The following MYH14 variants were observed in gnomAD, a reference collection of about 807,000 sequenced individuals.
MYH14 encodes myosin-14.
Under a neutral mutation model 255.5 loss-of-function variants are expected in MYH14, and 123 were observed. The observed-to-expected ratio is 0.48, with a 90% CI of 0.42 to 0.56. The LOEUF is 0.56. Among genes scored for constraint, MYH14 ranks in the 20% least tolerant of loss-of-function variants. The pLI is 0.00. For missense variants in MYH14, 2,423 were observed against 2,802.3 expected, an observed-to-expected ratio of 0.86 and a Z score of 3.06; for synonymous variants, 1,095 against 1,161.2, an observed-to-expected ratio of 0.94 and a Z score of 1.16.
chr19:50,228,145 G>T (rs1349431391), intron 8 of MYH14, among the ~76,000 whole-genome samples: 7 of 151,980 alleles, frequency 4.6e-5, no homozygotes. Flanking sequence ...AATTAGCCGG[G>T]CGTGGTGGCG....
In MYH14 at chr19:50,278,285, C is replaced by T. The variant is rs374058410; in HGVS notation, c.4028C>T (p.Ala1343Val). ...RAEAAEKLQR[A>V]QAELENVSGA... ...GAGGCTGCTGAGAAGCTGCAGCGAG[C>T]CCAGGTAAGTGGGGTGGGCAGGGCA... Residue 1343 changes from alanine (A) to valine (V), a missense_variant, in exon 30 of 43, where the codon GCC (alanine) becomes GTC (valine). Ala to Val is a moderately conservative substitution (Grantham distance 64, BLOSUM62 0). Coordinates refer to ENST00000642316, the MANE Select transcript of MYH14 (RefSeq NM_001145809.2). The T allele has an allele frequency of 8.0e-5, 123 of 1,545,328 alleles. 1 individual carries two copies. The African/African-American group carries it at 8.0e-4, about 10-fold the overall frequency.
At chr19:50,226,769 C>A in intron 7 of MYH14, 134 bp from the exon 8 acceptor site, 1 of 787,510 alleles carries the variant, frequency 1.3e-6, no homozygotes, top group Non-Finnish European at 2.1e-6. Flanking sequence ...GGATGGGGTT[C>A]AGGTAGAGGG....
At chr19:50,213,316 C>T (rs529656574) in intron 2 of MYH14, among the ~76,000 whole-genome samples, 8 of 152,254 alleles carry the variant, frequency 5.3e-5, no homozygotes, top group East Asian at 3.9e-4. Context: ...CTGTCATCCC[C>T]GCTCTGCAGG....
intron 39 of MYH14, among the ~76,000 whole-genome samples, chr19:50,295,708 C>A (rs2036242549): frequency 6.6e-6 from 1 of 151,414 alleles, no homozygotes; most frequent in South Asian, 2.1e-4. Flanking sequence ...GGAGGATCAC[C>A]TGAGCCCAGG....
intron 39 of MYH14, among the ~76,000 whole-genome samples, chr19:50,301,454 C>CTGCCT (rs1312634741): frequency 1.5e-4 from 23 of 152,186 alleles, no homozygotes; most frequent in African/African-American, 5.5e-4. Context: ...ATGTTAAGAC[C>CTGCCT]CAGGGCTGGC....
intron 34 of MYH14, among the ~76,000 whole-genome samples, chr19:50,287,815 G>A (rs2035941418): frequency 6.6e-6 from 1 of 152,094 alleles, no homozygotes; most frequent in Non-Finnish European, 1.5e-5. Context: ...GAGAGAACAC[G>A]AAGAGAATTT....
In MYH14 at chr19:50,280,037, G is replaced by A. The variant is rs148054042; in HGVS notation, c.4033G>A (p.Ala1345Thr). 1.7e-4 allele frequency: 275 copies of A among 1,605,852 alleles called. No homozygotes were observed. In the African/African-American group the frequency reaches 3.4e-3, roughly 20 times the overall value. The change falls in exon 31 of 43, where the codon GCT becomes ACT. Residue 1345 changes from alanine (A) to threonine (T), a missense_variant and splice_region_variant. Physicochemically the swap from Ala to Thr is moderately conservative, Grantham distance 58. Transcript: ENST00000642316. The surrounding 1 kb of genome is among the most constrained non-coding windows in gnomAD (Gnocchi z 4.8). ...CTTCATTCCCGTCCCTTCCCTGCAG[G>A]CTGAACTGGAGAATGTGTCTGGGGC... ...EAAEKLQRAQ[A>T]ELENVSGALN...
Position 50,272,741 on chromosome 19 carries a change from GGGGT to G in MYH14, c.3467+14_3467+17del. 1 of 1,549,422 alleles carries G rather than the reference GGGGT, an allele frequency of 6.5e-7. No individual in the cohort carries two copies. Among genetic ancestry groups the G allele is most frequent in the Non-Finnish European group, 8.7e-7 (1 of 1,146,888 alleles). ...AGGCTGCCCTGGCCAGGTGCAGGGT[GGGGT>G]GGGCTTGGTGGGGTAAGCAGCATGG... is the stretch of plus-strand genomic sequence containing the variant. On this transcript the variant is annotated intron_variant, in intron 27 of 42. Transcript: ENST00000642316.
At chr19:50,239,916 G>A (rs2033823543) in intron 10 of MYH14, among the ~76,000 whole-genome samples, 1 of 152,192 alleles carries the variant, frequency 6.6e-6, no homozygotes, top group South Asian at 2.1e-4. Flanking sequence ...AGGAGCACAG[G>A]CCCTTGGCAT....
intron 39 of MYH14, 92 bp from the exon 40 acceptor site, chr19:50,301,569 C>T (rs1379731490): frequency 1.2e-6 from 1 of 851,650 alleles, no homozygotes; most frequent in Non-Finnish European, 2.0e-6. Flanking sequence ...TGACAATCAT[C>T]AGTGCACTTA....
At position 50,217,611 on chromosome 19, in the gene MYH14, G is replaced by A; in HGVS notation, c.406-4G>A. ...GAGACCCTCTCCCCTCTCACCCACT[G>A]CAGACGTACTCCGGCCTTTTCTGTG... On this transcript the variant is annotated splice_polypyrimidine_tract_variant and splice_region_variant and intron_variant, in intron 2 of 42. Transcript: ENST00000642316. 3.7e-6 allele frequency: 6 copies of A among 1,614,020 alleles called. No homozygotes were observed. The highest frequency in any genetic ancestry group is 5.1e-6 in the Non-Finnish European group (6 of 1,179,894).
chr19:50,211,382 C>T (rs983241865), intron 2 of MYH14, among the ~76,000 whole-genome samples: 3 of 152,040 alleles, frequency 2.0e-5, no homozygotes, highest in African/African-American at 7.2e-5. Flanking sequence ...GTGCTAAATG[C>T]CTATCTATTA....
At position 50,293,661 on chromosome 19, in the gene MYH14, G is replaced by A. The variant is rs779789264; in HGVS notation, c.5443G>A (p.Asp1815Asn). 1.3e-6 allele frequency: 2 copies of A among 1,595,656 alleles called. No homozygotes were observed. The highest frequency in any genetic ancestry group is 3.5e-5 in the Admixed American group (2 of 57,398). The change falls in exon 39 of 43, where the codon GAC (aspartate) becomes AAC (asparagine). Residue 1815 changes from aspartate to asparagine, a missense_variant. Physicochemically the swap from Asp to Asn is conservative, Grantham distance 23. Around this residue, in one of 3 missense-constraint regions of MYH14, gnomAD observed 1,513 missense variants for 1,674.8 expected, o/e 0.90. Transcript: ENST00000642316. The surrounding 1 kb of genome is among the most constrained non-coding windows in gnomAD (Gnocchi z 4.1). ...GCAGAGCAACTCGGAGCTGCTCAATGACCGCTACCGCAAGCTGCTCCTGCA... is the reference window on the plus strand; with the variant it reads ...GCAGAGCAACTCGGAGCTGCTCAATAACCGCTACCGCAAGCTGCTCCTGCA... ...EEQSNSELLNDRYRKLLLQVE... is the reference protein window; with the variant it reads ...EEQSNSELLNNRYRKLLLQVE...
At position 50,244,332 on chromosome 19, in the gene MYH14, A is replaced by G. The variant is rs537153044; in HGVS notation, c.1205A>G (p.Asn402Ser). 1,475 of 1,613,354 alleles carry G rather than the reference A, an allele frequency of 9.1e-4. 21 individuals are homozygous for G. In the South Asian group the frequency reaches 0.015, roughly 17 times the overall value. ...RNTDQATMPD[N>S]TAAQKLCRLL... is the part of the protein sequence containing the mutation. ...ACCGATCAAGCCACCATGCCTGACA[A>G]CACAGGTACTGCCCCCGGCCTGCCT... is the stretch of plus-strand genomic sequence containing the variant. The change falls in exon 11 of 43, where the codon AAC becomes AGC. Residue 402 changes from asparagine to serine, a missense_variant. Around this residue, in one of 3 missense-constraint regions of MYH14, gnomAD observed 672 missense variants for 881.8 expected, o/e 0.76. Transcript: ENST00000642316.
At chr19:50,279,990 G>C in intron 30 of MYH14, 47 bp from the exon 31 acceptor site, 4 of 1,411,886 alleles carry the variant, frequency 2.8e-6, no homozygotes, top group Non-Finnish European at 3.9e-6. Flanking sequence ...GGGGTCACTG[G>C]GTGGAAGCCA....
At chr19:50,282,752 T>C (rs1452871743) in intron 33 of MYH14, among the ~76,000 whole-genome samples, 1 of 152,114 alleles carries the variant, frequency 6.6e-6, no homozygotes, top group African/African-American at 2.4e-5. Flanking sequence ...GTCATTTCCC[T>C]GTAGGTGGTG....
intron 25 of MYH14, 114 bp downstream of exon 25, chr19:50,271,660 G>C: frequency 6.8e-7 from 1 of 1,476,766 alleles, no homozygotes; most frequent in Non-Finnish European, 9.2e-7. Flanking sequence ...GTGTGCACCG[G>C]TGGGGGTGGG....
Position 50,286,650 on chromosome 19 carries a change from G to A in MYH14, c.4708G>A (p.Glu1570Lys). 6.3e-7 allele frequency: 1 copy of A among 1,587,812 alleles called. No homozygotes were observed. The highest frequency in any genetic ancestry group is 8.6e-7 in the Non-Finnish European group (1 of 1,167,968). Residue 1570 changes from glutamate (E) to lysine (K), a missense_variant, in exon 34 of 43, where the codon GAG becomes AAG. Coordinates refer to ENST00000642316, the MANE Select transcript of MYH14 (RefSeq NM_001145809.2). Reference sequence around the variant, plus strand: ...GCGGCAGAACCGGGCCCTGCGGGCTGAGCTGGAGGCACTGCTGAGCAGCAA... The same window carrying A: ...GCGGCAGAACCGGGCCCTGCGGGCTAAGCTGGAGGCACTGCTGAGCAGCAA... ...LERQNRALRA[E>K]LEALLSSKDD...
In MYH14 at chr19:50,286,660, C is replaced by A; in HGVS notation, c.4718C>A (p.Ala1573Glu). The A allele has an allele frequency of 6.3e-7, 1 of 1,583,440 alleles. No homozygotes were observed. The highest frequency in any genetic ancestry group is 8.6e-7 in the Non-Finnish European group (1 of 1,165,794). ...CGGGCCCTGCGGGCTGAGCTGGAGG[C>A]ACTGCTGAGCAGCAAGGATGACGTC... The part of the protein sequence containing the change: ...QNRALRAELE[A>E]LLSSKDDVGK... The change falls in exon 34 of 43, where the codon GCA becomes GAA. Residue 1573 changes from alanine (A) to glutamate (E), a missense_variant. Around this residue, in one of 3 missense-constraint regions of MYH14, gnomAD observed 1,513 missense variants for 1,674.8 expected, o/e 0.90. Transcript: ENST00000642316.
Sources: gnomAD v4.1 joint callset for allele counts (sites outside exome capture counted in the v4.1 genomes callset) on GRCh38, gnomAD v4.1.1 for gene constraint, gnomAD v4.1.1 regional missense constraint, Gnocchi (gnomAD v3.1) non-coding constraint, MANE v1.5 for transcripts, NCBI Gene and HGNC (gene_info 2026-07-23, HGNC 2026-07-21) for gene names.